PGS1: variants seen among roughly 807,000 people sequenced by gnomAD.
The protein encoded by PGS1 is phosphatidylglycerophosphate synthase 1, also known as CDP-diacylglycerol--glycerol-3-phosphate 3-phosphatidyltransferase, mitochondrial.
A neutral mutation model predicts 58.3 loss-of-function variants in PGS1; 44 were observed. That is an observed-to-expected ratio of 0.75 (90% CI 0.59 to 0.97). PGS1 has a LOEUF of 0.97. Among genes scored for constraint, PGS1 ranks in the 50% least tolerant of loss-of-function variants. PGS1 has a pLI of 0.00. For synonymous variants in PGS1, 330 were observed against 311.0 expected, an observed-to-expected ratio of 1.06 and a Z score of -0.64; for missense variants, 684 against 731.1, an observed-to-expected ratio of 0.94 and a Z score of 0.74.
chr17:78,404,737 C>T (rs988116403), intron 7 of PGS1, among the ~76,000 whole-genome samples: 2 of 151,618 alleles, frequency 1.3e-5, no homozygotes, highest in Admixed American at 6.6e-5. Context: ...CTTGGCTCAC[C>T]GCAACCTCCT....
chr17:78,419,714 G>C (rs201615281), intron 9 of PGS1, 39 bp downstream of exon 9: 14 of 1,608,336 alleles, frequency 8.7e-6, no homozygotes, highest in Middle Eastern at 1.6e-4. Flanking sequence ...CGATTTTCCC[G>C]AGAGTTCACA....
rs532590805 is a variant in PGS1 at position 78,379,976 on chromosome 17, C to T, written c.143+1168C>T. On this transcript the variant is annotated intron_variant, in intron 1 of 9. Coordinates refer to ENST00000262764, the MANE Select transcript of PGS1 (RefSeq NM_024419.5). ...CCACCTTCCAGGTTCAAGCGATTCTCCTGCCTCAGCCTCCCGAGTAGCTGG... is the reference window on the plus strand; with the variant it reads ...CCACCTTCCAGGTTCAAGCGATTCTTCTGCCTCAGCCTCCCGAGTAGCTGG... Among the ~76,000 whole-genome samples, 136 of 151,724 alleles carry T rather than the reference C, an allele frequency of 9.0e-4. 4 individuals carry two copies. Among genetic ancestry groups the T allele is most frequent in the East Asian group, 6.1e-3 (31 of 5,098 alleles).
chr17:78,407,896 G>T (rs2084292930), intron 7 of PGS1, among the ~76,000 whole-genome samples: 1 of 152,240 alleles, frequency 6.6e-6, no homozygotes, highest in Non-Finnish European at 1.5e-5. Flanking sequence ...GCTGCCAGTG[G>T]ATTTCAGTGC....
chr17:78,388,591 C>T (rs1483551251), intron 1 of PGS1, among the ~76,000 whole-genome samples: 3 of 151,912 alleles, frequency 2.0e-5, no homozygotes, highest in Non-Finnish European at 4.4e-5. Flanking sequence ...AGTGATTCTC[C>T]TGCCTTAGAC....
At chr17:78,385,182 A>ATG (rs1307200385) in intron 1 of PGS1, among the ~76,000 whole-genome samples, 3 of 152,004 alleles carry the variant, frequency 2.0e-5, no homozygotes, top group Admixed American at 2.0e-4. Context: ...GCAGTGGCGC[A>ATG]ATCTCGGCTC....
At chr17:78,388,460 A>C (rs982221356) in intron 1 of PGS1, among the ~76,000 whole-genome samples, 5 of 151,320 alleles carry the variant, frequency 3.3e-5, no homozygotes, top group Non-Finnish European at 7.4e-5. Flanking sequence ...CAATCTCCCG[A>C]GTAGCTGGGA....
chr17:78,413,246 C>T (rs1258696254), intron 7 of PGS1, among the ~76,000 whole-genome samples: 5 of 152,240 alleles, frequency 3.3e-5, no homozygotes, highest in Non-Finnish European at 5.9e-5. Flanking sequence ...CTTGGAAATG[C>T]TCTTGCTCTG....
rs377712174 is a variant in PGS1 at position 78,391,563 on chromosome 17, C to T, written c.144-913C>T. Among the ~76,000 whole-genome samples, 104 of 152,250 alleles carry T rather than the reference C, an allele frequency of 6.8e-4. 2 individuals are homozygous for T. The East Asian group carries it at 9.5e-3, about 14-fold the overall frequency. ...TGCGATCTCGCCTCACTGCAACCTC[C>T]ACCTCCCTGGTTCAAGCAATTCTCC... On this transcript the variant is annotated intron_variant, in intron 1 of 9. Coordinates refer to ENST00000262764, the MANE Select transcript of PGS1 (RefSeq NM_024419.5).
At chr17:78,380,018 C>T (rs2081926988) in intron 1 of PGS1, among the ~76,000 whole-genome samples, 1 of 151,840 alleles carries the variant, frequency 6.6e-6, no homozygotes, top group South Asian at 2.1e-4. Flanking sequence ...AGACATAAGC[C>T]ACCACACCCG....
intron 3 of PGS1, among the ~76,000 whole-genome samples, chr17:78,397,294 C>T (rs766978941): frequency 9.2e-5 from 14 of 152,264 alleles, no homozygotes; most frequent in Middle Eastern, 3.4e-3. Context: ...GTGAAACAGA[C>T]GGGCCCATTG....
chr17:78,387,631 G>A lies in PGS1; in HGVS notation c.144-4845G>A, dbSNP rs573246069. ...TTTTTTTTTTTTGAGGTGGAGTTTC[G>A]CTCTGTCGCCCAGGCTGGAGTGCAG... On this transcript the variant is annotated intron_variant, in intron 1 of 9. Transcript: ENST00000262764. Among the ~76,000 whole-genome samples the A allele has an allele frequency of 2.3e-3, 303 of 129,706 alleles. 3 individuals are homozygous for A. In the Admixed American group the frequency reaches 0.024, roughly 10 times the overall value. 85.1% of individuals were successfully genotyped at this position (129,706 alleles called of 152,430 possible). A position where few individuals can be genotyped will look rare whatever the true frequency, so the allele number is the denominator to read the frequency against.
chr17:78,395,728 G>C (rs1464177699), intron 2 of PGS1, among the ~76,000 whole-genome samples: 1 of 152,172 alleles, frequency 6.6e-6, no homozygotes, highest in African/African-American at 2.4e-5. Context: ...GGAAACTGCA[G>C]ATGGGTAGAA....
chr17:78,419,412 A>AATCTCTGGGC, intron 8 of PGS1, 134 bp from the exon 9 acceptor site: 1 of 748,074 alleles, frequency 1.3e-6, no homozygotes. Flanking sequence ...GCACCCTGGG[A>AATCTCTGGGC]ATCTCTGGGC....
At chr17:78,383,811 C>G (rs2082198406) in intron 1 of PGS1, among the ~76,000 whole-genome samples, 1 of 152,170 alleles carries the variant, frequency 6.6e-6, no homozygotes, top group Non-Finnish European at 1.5e-5. Context: ...TCAATTGTAG[C>G]TTTAAGTGAA....
At chr17:78,404,628 G>C (rs114910037) in intron 7 of PGS1, among the ~76,000 whole-genome samples, 4,848 of 152,128 alleles carry the variant, frequency 0.032, 232 homozygotes, top group African/African-American at 0.11. Flanking sequence ...TGGTAAAGAT[G>C]TGGTGACATA....
intron 8 of PGS1, among the ~76,000 whole-genome samples, chr17:78,417,528 C>A (rs1047162565): frequency 2.0e-5 from 3 of 152,056 alleles, no homozygotes; most frequent in Non-Finnish European, 4.4e-5. Flanking sequence ...AAAGCCAAGG[C>A]CACATTCTGT....
chr17:78,387,595 A>G (rs1262792901), intron 1 of PGS1, among the ~76,000 whole-genome samples: 21 of 116,246 alleles, frequency 1.8e-4, no homozygotes, highest in Non-Finnish European at 3.5e-4. Context: ...CATCGCGCCC[A>G]GCCTTTTTTT....
chr17:78,386,323 C>T (rs1281005659), intron 1 of PGS1, among the ~76,000 whole-genome samples: 1 of 152,198 alleles, frequency 6.6e-6, no homozygotes, highest in African/African-American at 2.4e-5. Context: ...TGCTGGAGCA[C>T]TGGTGCTAGG....
At chr17:78,407,565 A>G (rs1261633792) in intron 7 of PGS1, among the ~76,000 whole-genome samples, 1 of 152,148 alleles carries the variant, frequency 6.6e-6, no homozygotes, top group Non-Finnish European at 1.5e-5. Context: ...GGCCCCAGAA[A>G]ATTCCTGCCG....
Sources: gnomAD v4.1 joint callset for allele counts (sites outside exome capture counted in the v4.1 genomes callset) on GRCh38, gnomAD v4.1.1 for gene constraint, MANE v1.5 for transcripts, NCBI Gene and HGNC (gene_info 2026-07-23, HGNC 2026-07-21) for gene names.